The following CKAP2 variants were observed in gnomAD, a reference collection of about 807,000 sequenced individuals.
CKAP2 encodes the protein cytoskeleton-associated protein 2.
In CKAP2, 46 loss-of-function variants were observed where a neutral mutation model predicts 58.4. That is an observed-to-expected ratio of 0.79 (90% CI 0.62 to 1.01). The LOEUF is 1.01. CKAP2 is among the 50% of genes least tolerant of loss of function. The pLI, the probability that CKAP2 is intolerant of heterozygous loss-of-function variation, is 0.00. For synonymous variants in CKAP2, 293 were observed against 280.9 expected (o/e 1.04, Z -0.43); for missense variants, 809 against 796.4 (o/e 1.02, Z -0.19).
chr13:52,469,954 TATTA>T (rs1251531533), intron 7 of CKAP2, among the ~76,000 whole-genome samples: 5 of 152,198 alleles, frequency 3.3e-5, no homozygotes, highest in East Asian at 1.9e-4. Flanking sequence ...TAGTCATTAA[TATTA>T]ATTAACTTTA....
intron 6 of CKAP2, 59 bp from the exon 7 acceptor site, chr13:52,468,218 AG>A: frequency 1.0e-6 from 1 of 973,760 alleles, no homozygotes; most frequent in Non-Finnish European, 1.6e-6. Context: ...TTGGATACCT[AG>A]TTAATGTCAG....
intron 6 of CKAP2, chr13:52,465,676 A>T (rs2137854926): frequency 1.6e-6 from 1 of 638,120 alleles, no homozygotes; most frequent in East Asian, 3.0e-5. Flanking sequence ...ATTTTAGAAA[A>T]TGGATATAAG....
chr13:52,465,899 A>G (rs1209047523), intron 6 of CKAP2: 1 of 344,056 alleles, frequency 2.9e-6, no homozygotes, highest in African/African-American at 2.1e-5. Context: ...GAATGTACTC[A>G]TATATGTATA....
intron 7 of CKAP2, 96 bp downstream of exon 7, chr13:52,468,443 G>C: frequency 1.5e-6 from 1 of 685,036 alleles, no homozygotes; most frequent in Non-Finnish European, 2.5e-6. Context: ...TACGTGTGCA[G>C]GATGTGCAGG....
At chr13:52,464,052 T>C (rs1017250659) in intron 5 of CKAP2, among the ~76,000 whole-genome samples, 1 of 152,234 alleles carries the variant, frequency 6.6e-6, no homozygotes, top group African/African-American at 2.4e-5. Context: ...GAATTACAAA[T>C]ATTTGATTTC....
intron 5 of CKAP2, 139 bp from the exon 6 acceptor site, chr13:52,465,156 A>C (rs1444305422): frequency 1.6e-5 from 10 of 644,722 alleles, no homozygotes; most frequent in Middle Eastern, 4.3e-4. Context: ...TTTACTAATA[A>C]ATTTCTCAAC....
intron 7 of CKAP2, among the ~76,000 whole-genome samples, chr13:52,469,593 A>ATTTT (rs1491429967): frequency 6.4e-5 from 9 of 140,420 alleles, no homozygotes; most frequent in East Asian, 6.0e-4. Context: ...TTATTTATTT[A>ATTTT]TTTATTTTTT....
rs1231453502 is a variant in CKAP2, at chr13:52,475,622, C to G, written c.*481C>G. On this transcript the variant is annotated 3_prime_UTR_variant, in exon 9 of 9. Transcript: ENST00000258607. ...GTCAAAAATTCTATAGAATGACTCA[C>G]TTCGAATACTAAGACACAGGAGGTT... 6.5e-6 allele frequency: 1 copy of G among 152,806 alleles called. No individual in the cohort carries two copies. The highest frequency in any genetic ancestry group is 2.4e-5 in the African/African-American group (1 of 41,416). The allele number at this position is 152,806 out of a possible 1,614,324, so 9.5% of individuals were successfully genotyped here.
intron 7 of CKAP2, among the ~76,000 whole-genome samples, chr13:52,470,575 T>C (rs1290617235): frequency 1.3e-5 from 2 of 152,282 alleles, no homozygotes; most frequent in East Asian, 1.9e-4. Context: ...TTAAGTATGT[T>C]ATGTAAGCTT....
In CKAP2 at chr13:52,461,256, A is replaced by G; in HGVS notation, c.430A>G (p.Ser144Gly). The G allele has an allele frequency of 6.2e-7, 1 of 1,613,810 alleles. No individual in the cohort carries two copies. The highest frequency in any genetic ancestry group is 8.5e-7 in the Non-Finnish European group (1 of 1,179,964). The change falls in exon 4 of 9, where the codon AGC becomes GGC. Residue 144 changes from serine (S) to glycine (G), a missense_variant. Transcript: ENST00000258607. ...DDPQSQHMTL[S>G]QAFHLKNNSK... ...TCCCCAAAGTCAACATATGACATTA[A>G]GCCAGGCATTTCACCTTAAAAACAA...
intron 1 of CKAP2, chr13:52,455,870 G>A: frequency 1.1e-6 from 1 of 941,478 alleles, no homozygotes; most frequent in Non-Finnish European, 1.4e-6. Flanking sequence ...TCCTAAGAAG[G>A]AATCCGTTAG....
rs1485263289 is a variant in CKAP2, at chr13:52,461,596, G to A, written c.770G>A (p.Arg257Lys). The A allele has an allele frequency of 1.2e-6, 2 of 1,614,138 alleles. No individual in the cohort carries two copies. The highest frequency in any genetic ancestry group is 2.2e-5 in the East Asian group (1 of 44,884). ...QNTQLVRPPI[R>K]SHHSNTRDTV... ...ACACAACTTGTGCGACCTCCTATTA[G>A]AAGTCATCACAGTAATACCCGGGAC... is the stretch of plus-strand genomic sequence containing the variant. The change falls in exon 4 of 9, where the codon AGA becomes AAA. Residue 257 changes from arginine (R) to lysine (K), a missense_variant. Around this residue, in one of 3 missense-constraint regions of CKAP2, gnomAD observed 523 missense variants for 492.4 expected, o/e 1.06. Coordinates refer to ENST00000258607, the MANE Select transcript of CKAP2 (RefSeq NM_018204.5).
chr13:52,471,797 C>G (rs769912597), intron 7 of CKAP2, among the ~76,000 whole-genome samples: 2 of 152,144 alleles, frequency 1.3e-5, no homozygotes, highest in Non-Finnish European at 2.9e-5. Context: ...TCCATTCCTA[C>G]TCTCCTTTGT....
At chr13:52,456,038 A>T in intron 1 of CKAP2, 2 of 1,039,276 alleles carry the variant, frequency 1.9e-6, no homozygotes, top group East Asian at 8.5e-5. Flanking sequence ...GGGTCGCATC[A>T]TGTGTTATTT....
At chr13:52,465,989 A>G (rs1475869441) in intron 6 of CKAP2, 1 of 249,292 alleles carries the variant, frequency 4.0e-6, no homozygotes, top group Non-Finnish European at 8.0e-6. Flanking sequence ...GCACACATAT[A>G]TGCACACATA....
At chr13:52,466,875 C>T (rs1412420188) in intron 6 of CKAP2, among the ~76,000 whole-genome samples, 2 of 151,892 alleles carry the variant, frequency 1.3e-5, no homozygotes, top group African/African-American at 4.8e-5. Flanking sequence ...GCGGGAGGAT[C>T]GTTTGAGTCC....
intron 7 of CKAP2, among the ~76,000 whole-genome samples, chr13:52,473,131 G>A (rs564001146): frequency 1.3e-3 from 196 of 151,762 alleles, no homozygotes; most frequent in Non-Finnish European, 2.1e-3. Context: ...ACTTACTTAG[G>A]CTATTACAAC....
Position 52,469,585 on chromosome 13 carries a change from A to ATTT in CKAP2, c.1546+1239_1546+1241dup, listed in dbSNP as rs768281163. Among the ~76,000 whole-genome samples the ATTT allele has an allele frequency of 6.9e-5, 10 of 144,156 alleles. 1 individual carries two copies. The highest frequency in any genetic ancestry group is 1.4e-4 in the Admixed American group (2 of 14,652). 94.6% of individuals were successfully genotyped at this position (144,156 alleles called of 152,430 possible). On this transcript the variant is annotated intron_variant, in intron 7 of 8. Coordinates refer to ENST00000258607, the MANE Select transcript of CKAP2 (RefSeq NM_018204.5). The stretch of plus-strand genomic sequence containing the variant: ...CCATTGAATGAAATAATATTTATTT[A>ATTT]TTTATTTATTTATTTTTTTTTTGAG...
At chr13:52,469,585 A>ATTTTTTTTTTTTTT (rs768281163) in intron 7 of CKAP2, among the ~76,000 whole-genome samples, 1 of 144,084 alleles carries the variant, frequency 6.9e-6, no homozygotes. Context: ...ATATTTATTT[A>ATTTTTTTTTTTTTT]TTTATTTATT....
Sources: allele counts gnomAD v4.1 joint callset (sites outside exome capture counted in the v4.1 genomes callset), GRCh38; gene constraint gnomAD v4.1.1; regional missense constraint gnomAD v4.1.1; transcripts MANE v1.5; gene names NCBI Gene and HGNC (gene_info 2026-07-23, HGNC 2026-07-21).